The following DSPP variants were observed in gnomAD, a reference collection of about 807,000 sequenced individuals.
DSPP encodes deafness, autosomal dominant 39.
DSPP carries 28 observed loss-of-function variants against 29.1 expected under a neutral mutation model. That is an observed-to-expected ratio of 0.96 (90% CI 0.71 to 1.32). The LOEUF (loss-of-function observed/expected upper bound fraction) is 1.32, where lower values mean the gene tolerates loss of function less well. Ranked by LOEUF, DSPP falls within the 40% of genes most tolerant of loss-of-function variation. DSPP has a pLI of 0.00. For missense variants in DSPP, 1,281 were observed against 1,629.9 expected (o/e 0.79, Z 3.69); for synonymous variants, 481 against 503.4 (o/e 0.96, Z 0.60).
chr4:87,611,020 T>C, intron 2 of DSPP, 61 bp downstream of exon 2: 3 of 1,344,480 alleles, frequency 2.2e-6, no homozygotes, highest in East Asian at 2.3e-5. Context: ...CTAACATTAA[T>C]ACAAAATGTA....
In DSPP at chr4:87,613,321, A is replaced by C; in HGVS notation, c.1122+13A>C. The C allele has an allele frequency of 2.5e-6, 4 of 1,613,026 alleles. No individual in the cohort carries two copies. The highest frequency in any genetic ancestry group is 2.5e-6 in the Non-Finnish European group (3 of 1,179,946). On this transcript the variant is annotated intron_variant, in intron 4 of 4. Transcript: ENST00000651931. ...GAGCCAAGATAAGGTTAGTTTGTAA[A>C]GCTGATTTCTTTCAATGGCAGTTTA... is the stretch of plus-strand genomic sequence containing the variant.
Position 87,614,980 on chromosome 4 carries a change from G to A in DSPP, c.2318G>A (p.Ser773Asn), listed in dbSNP as rs1236791170. The change falls in exon 5 of 5, where the codon AGC (serine) becomes AAC (asparagine). Residue 773 changes from serine (S) to asparagine (N), a missense_variant. By Grantham distance (46) the Ser-to-Asn change is conservative (BLOSUM62 1). Transcript: ENST00000651931. ...NSSDSSDSSD[S>N]SDSSDSSNSS... ...AGTGACAGCAGTGATAGCAGTGACA[G>A]CAGTGATAGTAGTGACAGCAGCAAC... 2 of 1,551,504 alleles carry A rather than the reference G, an allele frequency of 1.3e-6. No homozygotes were observed. Among genetic ancestry groups the A allele is most frequent in the Non-Finnish European group, 1.7e-6 (2 of 1,146,958 alleles).
chr4:87,613,344 T>G, intron 4 of DSPP, 36 bp downstream of exon 4: 1 of 1,608,718 alleles, frequency 6.2e-7, no homozygotes, highest in Non-Finnish European at 8.5e-7. Context: ...CAATGGCAGT[T>G]TAAATTCTTC....
In DSPP at chr4:87,615,150, A is replaced by T; in HGVS notation, c.2488A>T (p.Ser830Cys). Residue 830 changes from serine to cysteine, a missense_variant, in exon 5 of 5, where the codon AGT (serine) becomes TGT (cysteine). Around this residue, in one of 4 missense-constraint regions of DSPP, gnomAD observed 444 missense variants for 611.4 expected, o/e 0.73. Coordinates refer to ENST00000651931, the MANE Select transcript of DSPP (RefSeq NM_014208.3). ...SSNSSDSSNS[S>C]DSSDSSNSSD... The stretch of plus-strand genomic sequence containing the variant: ...CAATAGCAGTGACAGCAGTAATAGT[A>T]GTGACAGCAGCGATAGCAGCAACAG... The T allele has an allele frequency of 6.5e-7, 1 of 1,540,068 alleles. No homozygotes were observed. Among genetic ancestry groups the T allele is most frequent in the Non-Finnish European group, 8.8e-7 (1 of 1,138,668 alleles).
In DSPP at chr4:87,614,788, A is replaced by ATAGTGACAGCAGTGATAG; in HGVS notation, c.2140_2157dup (p.Asp714_Ser719dup). 2 of 1,551,188 alleles carry ATAGTGACAGCAGTGATAG rather than the reference A, an allele frequency of 1.3e-6. No homozygotes were observed. Among genetic ancestry groups the ATAGTGACAGCAGTGATAG allele is most frequent in the East Asian group, 2.4e-5 (1 of 40,894 alleles). ...AGCAGTGATAGTAGTGACAGCAGTGATAGTGACAGCAGTGATAGTAGTGAC... is the reference window on the plus strand; with the variant it reads ...AGCAGTGATAGTAGTGACAGCAGTGATAGTGACAGCAGTGATAGTAGTGACAGCAGTGATAGTAGTGAC... On this transcript the variant is annotated inframe_insertion, in exon 5 of 5. Transcript: ENST00000651931.
chr4:87,612,347 T>G lies in DSPP; in HGVS notation c.161T>G (p.Ile54Ser). Residue 54 changes from isoleucine (I) to serine (S), a missense_variant, in exon 4 of 5, where the codon ATC becomes AGC. By Grantham distance (142) the Ile-to-Ser change is moderately radical (BLOSUM62 -2). Transcript: ENST00000651931. ...GATGAGTTAAATGCCAGTGGAACCA[T>G]CAAAGAAAGTGGTGTCCTGGTGCAT... Reference protein sequence around the residue: ...VQDELNASGTIKESGVLVHEG... With the variant: ...VQDELNASGTSKESGVLVHEG... 1 of 1,614,044 alleles carries G rather than the reference T, an allele frequency of 6.2e-7. No homozygotes were observed. Among genetic ancestry groups the G allele is most frequent in the South Asian group, 1.1e-5 (1 of 91,064 alleles).
At position 87,614,195 on chromosome 4, in the gene DSPP, AGAT is replaced by A; in HGVS notation, c.1539_1541del (p.Asp514del). 6.2e-7 allele frequency: 1 copy of A among 1,614,252 alleles called. No homozygotes were observed. The highest frequency in any genetic ancestry group is 8.5e-7 in the Non-Finnish European group (1 of 1,180,044). ...ATGGCAGTGACTCAAAAGGAGCAGA[AGAT>A]GATGACAGTGATAGCACATCAGACA... On this transcript the variant is annotated inframe_deletion, in exon 5 of 5. Transcript: ENST00000651931.
chr4:87,612,341 G>T lies in DSPP; in HGVS notation c.155G>T (p.Gly52Val), dbSNP rs1486607422. Residue 52 changes from glycine (G) to valine (V), a missense_variant, in exon 4 of 5, where the codon GGA becomes GTA. Around this residue, in one of 4 missense-constraint regions of DSPP, gnomAD observed 631 missense variants for 643.2 expected, o/e 0.98. Transcript: ENST00000651931. ...VSVQDELNAS[G>V]TIKESGVLVH... ...TTTCAGGATGAGTTAAATGCCAGTG[G>T]AACCATCAAAGAAAGTGGTGTCCTG... is the stretch of plus-strand genomic sequence containing the variant. The T allele has an allele frequency of 6.2e-7, 1 of 1,614,020 alleles. No homozygotes were observed.
chr4:87,612,105 G>T lies in DSPP; in HGVS notation c.52G>T (p.Val18Phe), dbSNP rs121912987. The change falls in exon 3 of 5, where the codon GTT becomes TTT. Residue 18 changes from valine (V) to phenylalanine (F), a missense_variant and splice_region_variant. By Grantham distance (50) the Val-to-Phe change is conservative. Transcript: ENST00000651931. ...ATAGCCAGTATTTTCTACTTGGCAG[G>T]TTCCTCAAAGCAAACCACTGGAGAG... ...CIWAVAWAIPVPQSKPLERHV... is the reference protein window; with the variant it reads ...CIWAVAWAIPFPQSKPLERHV... The T allele has an allele frequency of 1.9e-6, 3 of 1,613,584 alleles. No homozygotes were observed. The highest frequency in any genetic ancestry group is 1.1e-5 in the South Asian group (1 of 91,052).
Position 87,613,082 on chromosome 4 carries a change from C to T in DSPP, c.896C>T (p.Ser299Leu), listed in dbSNP as rs1727770632. 5.0e-6 allele frequency: 8 copies of T among 1,614,008 alleles called. No individual in the cohort carries two copies. Among genetic ancestry groups the T allele is most frequent in the East Asian group, 2.2e-5 (1 of 44,864 alleles). ...DDHDSSIGQNSDSKEYYDPEG... is the reference protein window; with the variant it reads ...DDHDSSIGQNLDSKEYYDPEG... ...CATGATAGTAGCATAGGTCAAAATT[C>T]AGATAGTAAAGAATATTATGACCCT... Residue 299 changes from serine (S) to leucine (L), a missense_variant, in exon 4 of 5, where the codon TCA becomes TTA. This residue lies in a region of DSPP where 631 missense variants were observed against 643.2 expected (regional missense o/e 0.98). Coordinates refer to ENST00000651931, the MANE Select transcript of DSPP (RefSeq NM_014208.3).
Position 87,615,035 on chromosome 4 carries a change from C to G in DSPP, c.2373C>G (p.Ser791Arg), listed in dbSNP as rs2109997083. The G allele has an allele frequency of 6.4e-7, 1 of 1,550,790 alleles. No homozygotes were observed. Among genetic ancestry groups the G allele is most frequent in the African/African-American group, 1.4e-5 (1 of 72,852 alleles). The change falls in exon 5 of 5, where the codon AGC (serine) becomes AGG (arginine). Residue 791 changes from serine to arginine, a missense_variant. Physicochemically the swap from Ser to Arg is moderately radical, Grantham distance 110 (BLOSUM62 -1). Transcript: ENST00000651931. ...GTGATAGCAACGACAGCAGCAATAG[C>G]AGTGACAGCAGTGATAGCAGCAACA... ...NSSDSNDSSN[S>R]SDSSDSSNSS... is the part of the protein sequence containing the mutation.
rs1244264358 is a variant in DSPP, at chr4:87,616,337, C to A, written c.3675C>A (p.Ser1225Arg). The change falls in exon 5 of 5, where the codon AGC becomes AGA. Residue 1225 changes from serine (S) to arginine (R), a missense_variant. Transcript: ENST00000651931. ...GTGACAGCAGCGACAGCAGTGACAG[C>A]AGCGACAGCAGTGACAGCAATGAAA... Reference protein sequence around the residue: ...DSSDSSDSSDSSDSSDSNESS... With the variant: ...DSSDSSDSSDRSDSSDSNESS... 16 of 1,515,698 alleles carry A rather than the reference C, an allele frequency of 1.1e-5. No individual in the cohort carries two copies. Among genetic ancestry groups the A allele is most frequent in the Non-Finnish European group, 1.3e-5 (15 of 1,123,228 alleles). 93.9% of individuals were successfully genotyped at this position (1,515,698 alleles called of 1,614,324 possible). A position where few individuals can be genotyped will look rare whatever the true frequency, so the allele number is the denominator to read the frequency against.
In DSPP at chr4:87,615,224, C is replaced by T. The variant is rs757520225; in HGVS notation, c.2562C>T (p.Asp854=). The T allele has an allele frequency of 2.4e-5, 37 of 1,523,644 alleles. No individual in the cohort carries two copies. The African/African-American group carries it at 3.8e-4, about 15-fold the overall frequency. 94.4% of individuals were successfully genotyped at this position (1,523,644 alleles called of 1,614,324 possible). The change falls in exon 5 of 5, where the codon GAC becomes GAT. Residue 854 remains aspartate (D), a synonymous_variant. Transcript: ENST00000651931. ...SSDSSDGSDS[D]SSNRSDSSNS... ...ATAGCAGTGACGGCAGTGATAGCGACAGCAGCAATAGAAGTGACAGTAGTA... is the reference window on the plus strand; with the variant it reads ...ATAGCAGTGACGGCAGTGATAGCGATAGCAGCAATAGAAGTGACAGTAGTA...
Position 87,615,224 on chromosome 4 carries a change from C to A in DSPP, c.2562C>A (p.Asp854Glu). 1 of 1,523,644 alleles carries A rather than the reference C, an allele frequency of 6.6e-7. No individual in the cohort carries two copies. Among genetic ancestry groups the A allele is most frequent in the Non-Finnish European group, 8.8e-7 (1 of 1,133,276 alleles). The allele number at this position is 1,523,644 out of a possible 1,614,324, so 94.4% of individuals were successfully genotyped here. The change falls in exon 5 of 5, where the codon GAC becomes GAA. Residue 854 changes from aspartate to glutamate, a missense_variant. Transcript: ENST00000651931. The part of the protein sequence containing the change: ...SSDSSDGSDS[D>E]SSNRSDSSNS... Reference sequence around the variant, plus strand: ...ATAGCAGTGACGGCAGTGATAGCGACAGCAGCAATAGAAGTGACAGTAGTA... The same window carrying A: ...ATAGCAGTGACGGCAGTGATAGCGAAAGCAGCAATAGAAGTGACAGTAGTA...
chr4:87,614,016 A>G lies in DSPP; in HGVS notation c.1354A>G (p.Ser452Gly), dbSNP rs796926476. The G allele has an allele frequency of 6.2e-7, 1 of 1,614,250 alleles. No individual in the cohort carries two copies. Among genetic ancestry groups the G allele is most frequent in the East Asian group, 2.2e-5 (1 of 44,884 alleles). The stretch of plus-strand genomic sequence containing the variant: ...TGACAGCAATAGTGATGGATATGAC[A>G]GTTATGATTTTGATGATAAGTCCAT... The part of the protein sequence containing the change: ...GSDSNSDGYD[S>G]YDFDDKSMQG... Residue 452 changes from serine (S) to glycine (G), a missense_variant, in exon 5 of 5, where the codon AGT becomes GGT. Ser to Gly is a moderately conservative substitution (Grantham distance 56). This residue lies in a region of DSPP where 631 missense variants were observed against 643.2 expected (regional missense o/e 0.98). Coordinates refer to ENST00000651931, the MANE Select transcript of DSPP (RefSeq NM_014208.3).
At position 87,616,597 on chromosome 4, in the gene DSPP, T is replaced by C. The variant is rs1381894552; in HGVS notation, c.*29T>C. 59 of 1,551,586 alleles carry C rather than the reference T, an allele frequency of 3.8e-5. No individual in the cohort carries two copies. The highest frequency in any genetic ancestry group is 5.1e-5 in the Non-Finnish European group (58 of 1,147,000). On this transcript the variant is annotated 3_prime_UTR_variant, in exon 5 of 5. Transcript: ENST00000651931. ...AAAAGAAAAACCCGTAAGATTCCTT[T>C]TGTGAAAAGTTTGGTAATGGGATAG... is the stretch of plus-strand genomic sequence containing the variant.
rs1230055537 is a variant in DSPP at position 87,615,727 on chromosome 4, GCAA to G, written c.3066_3068del (p.Asn1023del). 6 of 272,328 alleles carry G rather than the reference GCAA, an allele frequency of 2.2e-5. No individual in the cohort carries two copies. The highest frequency in any genetic ancestry group is 4.2e-5 in the South Asian group (1 of 23,588). The allele number at this position is 272,328 out of a possible 1,614,324, so 16.9% of individuals were successfully genotyped here. ...GATAGCAGTAATAGTAGTGACAGCA[GCAA>G]TAGCAGTGACAGCAGCAACAGCAGT... On this transcript the variant is annotated inframe_deletion, in exon 5 of 5. Coordinates refer to ENST00000651931, the MANE Select transcript of DSPP (RefSeq NM_014208.3).
At position 87,616,157 on chromosome 4, in the gene DSPP, C is replaced by G. The variant is rs1285112694; in HGVS notation, c.3495C>G (p.Ser1165Arg). ...DSSDSSDSSD[S>R]SDSSDSSDSS... ...GCGACAGCAGTGACAGCAGCGATAG[C>G]AGCGACAGCAGCGACAGCAGCGATA... The change falls in exon 5 of 5, where the codon AGC (serine) becomes AGG (arginine). Residue 1165 changes from serine (S) to arginine (R), a missense_variant. Coordinates refer to ENST00000651931, the MANE Select transcript of DSPP (RefSeq NM_014208.3). 6.5e-7 allele frequency: 1 copy of G among 1,529,054 alleles called. No individual in the cohort carries two copies. Among genetic ancestry groups the G allele is most frequent in the African/African-American group, 1.6e-5 (1 of 62,042 alleles). The allele number at this position is 1,529,054 out of a possible 1,614,324, so 94.7% of individuals were successfully genotyped here. A position where few individuals can be genotyped will look rare whatever the true frequency, so the allele number is the denominator to read the frequency against.
In DSPP at chr4:87,614,836, A is replaced by G. The variant is rs1727830001; in HGVS notation, c.2174A>G (p.Asp725Gly). Reference protein sequence around the residue: ...SSDSSNSNSSDSDSSNSSDSS... With the variant: ...SSDSSNSNSSGSDSSNSSDSS... ...GACAGCAGTAATAGTAACAGCAGCG[A>G]TAGTGACAGCAGCAACAGCAGCGAT... The change falls in exon 5 of 5, where the codon GAT (aspartate) becomes GGT (glycine). Residue 725 changes from aspartate to glycine, a missense_variant. Physicochemically the swap from Asp to Gly is moderately conservative, Grantham distance 94 (BLOSUM62 -1). Around this residue, in one of 4 missense-constraint regions of DSPP, gnomAD observed 444 missense variants for 611.4 expected, o/e 0.73. Transcript: ENST00000651931. 5 of 1,549,500 alleles carry G rather than the reference A, an allele frequency of 3.2e-6. No homozygotes were observed.
Sources: allele counts gnomAD v4.1 joint callset, GRCh38; gene constraint gnomAD v4.1.1; regional missense constraint gnomAD v4.1.1; transcripts MANE v1.5; gene names NCBI Gene and HGNC (gene_info 2026-07-23, HGNC 2026-07-21).